Variants in SLC22A25 observed in about 807,000 individuals in gnomAD.
The protein encoded by SLC22A25 is MGI:2442751, MGI:2385316, MGI:3042283, MGI:3645714, MGI:3605624, MGI:2442750.
In SLC22A25, 44 loss-of-function variants were observed where a neutral mutation model predicts 45.9. The ratio of observed to expected loss-of-function variants is 0.96; its 90% confidence interval spans 0.75 to 1.23. SLC22A25 has a LOEUF of 1.23. Among genes scored for constraint, SLC22A25 ranks in the 50% most tolerant of loss-of-function variants. The pLI is 0.00. For synonymous variants in SLC22A25, 283 were observed against 238.6 expected, an observed-to-expected ratio of 1.19 and a Z score of -1.72; for missense variants, 800 against 666.4, an observed-to-expected ratio of 1.20 and a Z score of -2.21.
chr11:63,166,814 T>C lies in SLC22A25; in HGVS notation c.1071-556A>G, dbSNP rs2087700370. 3.0e-6 allele frequency: 3 copies of C among 984,008 alleles called. No homozygotes were observed. In the South Asian group the frequency reaches 1.4e-4, roughly 46 times the overall value. 61.0% of individuals were successfully genotyped at this position (984,008 alleles called of 1,614,324 possible). ...TAAGAAAACCTATTTTTATATTATG[T>C]ATATTTAATGGTGTCTAACTTCATT... is the stretch of plus-strand genomic sequence containing the variant. On this transcript the variant is annotated intron_variant, in intron 9 of 11. Coordinates refer to ENST00000306494, the MANE Select transcript of SLC22A25 (RefSeq NM_199352.6).
intron 9 of SLC22A25, among the ~76,000 whole-genome samples, chr11:63,177,865 A>ATG (rs1487959207): frequency 1.2e-3 from 1 of 832 alleles, no homozygotes; most frequent in African/African-American, 4.5e-3. Context: ...TATATATATA[A>ATG]TATATATAAT....
chr11:63,186,399 T>C (rs974255615), intron 7 of SLC22A25, among the ~76,000 whole-genome samples: 1 of 151,388 alleles, frequency 6.6e-6, no homozygotes, highest in Non-Finnish European at 1.5e-5. Context: ...TTGTTTGTTT[T>C]TTTCTTGTAA....
At chr11:63,225,826 T>C (rs2089950780) in intron 5 of SLC22A25, among the ~76,000 whole-genome samples, 1 of 152,120 alleles carries the variant, frequency 6.6e-6, no homozygotes, top group Non-Finnish European at 1.5e-5. Context: ...TTTTAATTCT[T>C]TTCACTTTTG....
In SLC22A25 at chr11:63,166,121, A is replaced by T; in HGVS notation, c.1208T>A (p.Met403Lys). 3 of 1,614,062 alleles carry T rather than the reference A, an allele frequency of 1.9e-6. No homozygotes were observed. Among genetic ancestry groups the T allele is most frequent in the Non-Finnish European group, 2.5e-6 (3 of 1,179,954 alleles). ...AAGCATCTGGCTTAGTCGACGGCTC[A>T]TGTGATTCAGTGCCCAAGGTGCAAC... ...NCVAPWALNH[M>K]SRRLSQMLLM... The change falls in exon 10 of 12, where the codon ATG becomes AAG. Residue 403 changes from methionine to lysine, a missense_variant. Coordinates refer to ENST00000306494, the MANE Select transcript of SLC22A25 (RefSeq NM_199352.6).
chr11:63,193,681 G>A (rs1330182091), intron 7 of SLC22A25, among the ~76,000 whole-genome samples: 2 of 152,234 alleles, frequency 1.3e-5, no homozygotes, highest in African/African-American at 2.4e-5. Context: ...AAGATCAAAG[G>A]TAGATAAAAC....
chr11:63,190,168 A>C (rs113058757), intron 7 of SLC22A25, among the ~76,000 whole-genome samples: 3,321 of 152,250 alleles, frequency 0.022, 123 homozygotes, highest in African/African-American at 0.075. Flanking sequence ...TCTGCCCATC[A>C]CTTTCAGGTA....
intron 7 of SLC22A25, among the ~76,000 whole-genome samples, chr11:63,212,070 C>T (rs181094136): frequency 0.036 from 5,506 of 152,218 alleles, 335 homozygotes; most frequent in African/African-American, 0.13. Context: ...CGAAAAAATG[C>T]TCATCATCAC....
chr11:63,163,787 T>A lies in SLC22A25; in HGVS notation c.*37A>T. On this transcript the variant is annotated 3_prime_UTR_variant, in exon 12 of 12. Coordinates refer to ENST00000306494, the MANE Select transcript of SLC22A25 (RefSeq NM_199352.6). ...AGATCTAAGCCTTTTTGGGGGATGG[T>A]AGCCCTAAATGGTGTTTTGCTTTCC... The A allele has an allele frequency of 6.4e-7, 1 of 1,571,410 alleles. No individual in the cohort carries two copies. Among genetic ancestry groups the A allele is most frequent in the South Asian group, 1.2e-5 (1 of 83,400 alleles).
At position 63,166,203 on chromosome 11, in the gene SLC22A25, T is replaced by A. The variant is rs746684162; in HGVS notation, c.1126A>T (p.Asn376Tyr). Residue 376 changes from asparagine (N) to tyrosine (Y), a missense_variant, in exon 10 of 12, where the codon AAC becomes TAC. Physicochemically the swap from Asn to Tyr is moderately radical, Grantham distance 143. Transcript: ENST00000306494. ...AGAGTCTGCAACAGGAAAACATTGT[T>A]TCCCAGATGCTGGAGGTGCAAAGTA... is the stretch of plus-strand genomic sequence containing the variant. The part of the protein sequence containing the change: ...GLTLHLQHLG[N>Y]NVFLLQTLFG... The A allele has an allele frequency of 6.2e-7, 1 of 1,614,000 alleles. No individual in the cohort carries two copies. The highest frequency in any genetic ancestry group is 8.5e-7 in the Non-Finnish European group (1 of 1,179,932).
intron 7 of SLC22A25, among the ~76,000 whole-genome samples, chr11:63,210,028 G>A (rs921313050): frequency 6.6e-6 from 1 of 152,196 alleles, no homozygotes; most frequent in Non-Finnish European, 1.5e-5. Context: ...ATGAATATGA[G>A]TAAAATATCA....
At position 63,161,444 on chromosome 11, in the gene SLC22A25, G is replaced by A. The variant is rs1482951526; in HGVS notation, c.*2380C>T. ...AGAATGATATGGTTTGACTGTGTCC[G>A]CCTACCCAATCTCATCTTGAATTGT... On this transcript the variant is annotated 3_prime_UTR_variant, in exon 12 of 12. Coordinates refer to ENST00000306494, the MANE Select transcript of SLC22A25 (RefSeq NM_199352.6). Among the ~76,000 whole-genome samples the A allele has an allele frequency of 2.0e-5, 3 of 152,022 alleles. No individual in the cohort carries two copies. The highest frequency in any genetic ancestry group is 6.6e-5 in the Admixed American group (1 of 15,256).
intron 7 of SLC22A25, among the ~76,000 whole-genome samples, chr11:63,199,850 G>A (rs2089182774): frequency 6.6e-6 from 1 of 151,850 alleles, no homozygotes; most frequent in African/African-American, 2.4e-5. Context: ...GGAACCAGGG[G>A]AGGGACTTGC....
At chr11:63,174,046 C>T (rs1252211105) in intron 9 of SLC22A25, among the ~76,000 whole-genome samples, 1 of 151,984 alleles carries the variant, frequency 6.6e-6, no homozygotes, top group East Asian at 1.9e-4. Flanking sequence ...TGTTATCCCT[C>T]CCCTAACCCA....
intron 4 of SLC22A25, 55 bp downstream of exon 4, chr11:63,229,196 T>C: frequency 6.9e-7 from 1 of 1,456,968 alleles, no homozygotes; most frequent in Non-Finnish European, 9.1e-7. Flanking sequence ...TCATTTCTTG[T>C]GTTATTCTAA....
At chr11:63,224,149 A>G (rs1260682153) in intron 5 of SLC22A25, among the ~76,000 whole-genome samples, 1 of 152,046 alleles carries the variant, frequency 6.6e-6, no homozygotes, top group Non-Finnish European at 1.5e-5. Flanking sequence ...TGTTGTGCGT[A>G]TATATTTATA....
chr11:63,194,020 CA>C (rs2088911011), intron 7 of SLC22A25, among the ~76,000 whole-genome samples: 1 of 152,090 alleles, frequency 6.6e-6, no homozygotes, highest in Non-Finnish European at 1.5e-5. Context: ...GATGCATGCA[CA>C]TGCTTCAGTA....
chr11:63,188,165 C>A (rs1033182120), intron 7 of SLC22A25, among the ~76,000 whole-genome samples: 1 of 152,138 alleles, frequency 6.6e-6, no homozygotes, highest in South Asian at 2.1e-4. Flanking sequence ...GCTGTGAATC[C>A]ATCTGGTCCT....
At chr11:63,203,229 C>A (rs1262047087) in intron 7 of SLC22A25, among the ~76,000 whole-genome samples, 1 of 152,020 alleles carries the variant, frequency 6.6e-6, no homozygotes. Flanking sequence ...GCTGAAAATT[C>A]CAAAACCAAG....
intron 7 of SLC22A25, among the ~76,000 whole-genome samples, chr11:63,195,428 T>C (rs11824813): frequency 0.13 from 19,246 of 151,764 alleles, 2,282 homozygotes; most frequent in African/African-American, 0.32. Flanking sequence ...TGCAATCAAA[T>C]TAGAACTCAG....
Sources: gnomAD v4.1 joint callset for allele counts (sites outside exome capture counted in the v4.1 genomes callset) on GRCh38, gnomAD v4.1.1 for gene constraint, MANE v1.5 for transcripts, NCBI Gene and HGNC (gene_info 2026-07-23, HGNC 2026-07-21) for gene names.